Variants in GTSF1 observed in about 807,000 individuals in gnomAD.
The protein encoded by GTSF1 is gametocyte-specific factor 1.
GTSF1 carries 11 observed loss-of-function variants against 28.9 expected under a neutral mutation model. The observed-to-expected ratio is 0.38, with a 90% confidence interval of 0.24 to 0.63. The LOEUF is 0.63. Among genes scored for constraint, GTSF1 ranks in the 30% least tolerant of loss-of-function variants. The pLI, the probability that GTSF1 is intolerant of heterozygous loss-of-function variation, is 0.56. For synonymous variants in GTSF1, 69 were observed against 65.6 expected, an observed-to-expected ratio of 1.05 and a Z score of -0.25; for missense variants, 146 against 201.0, an observed-to-expected ratio of 0.73 and a Z score of 1.66.
At chr12:54,469,490 C>G (rs1956567294) in intron 2 of GTSF1, among the ~76,000 whole-genome samples, 1 of 151,576 alleles carries the variant, frequency 6.6e-6, no homozygotes, top group African/African-American at 2.4e-5. Context: ...GAGTTCGAGA[C>G]CAGCCTGGCC....
intron 7 of GTSF1, chr12:54,459,720 GCCTTT>G: frequency 2.6e-5 from 4 of 151,976 alleles, no homozygotes; most frequent in South Asian, 1.4e-4. Flanking sequence ...CTGATATTAT[GCCTTT>G]TTTTTTTTTT....
chr12:54,462,476 C>A (rs370179507), intron 5 of GTSF1, among the ~76,000 whole-genome samples, 166 bp downstream of exon 5: 1 of 152,174 alleles, frequency 6.6e-6, no homozygotes, highest in Admixed American at 6.5e-5. Flanking sequence ...GGCTGTTCCA[C>A]GTGTCTGCAC....
chr12:54,463,052 T>C (rs1956449726), intron 4 of GTSF1, 119 bp downstream of exon 4: 1 of 966,442 alleles, frequency 1.0e-6, no homozygotes, highest in Admixed American at 2.6e-5. Context: ...ATCTCAAAGG[T>C]GGAAAAGTAT....
chr12:54,456,982 G>A (rs1295456878), intron 8 of GTSF1, among the ~76,000 whole-genome samples: 1 of 152,200 alleles, frequency 6.6e-6, no homozygotes, highest in Non-Finnish European at 1.5e-5. Context: ...CTATTTGGGA[G>A]GCTGAGGTAG....
chr12:54,471,157 A>G (rs1956588777), intron 2 of GTSF1, 76 bp downstream of exon 2: 1 of 1,208,602 alleles, frequency 8.3e-7, no homozygotes, highest in Non-Finnish European at 1.1e-6. Flanking sequence ...TTCCCAGCAC[A>G]CTAAAAGTCT....
At chr12:54,464,973 A>G (rs1956486953) in intron 3 of GTSF1, 94 bp downstream of exon 3, 1 of 709,474 alleles carries the variant, frequency 1.4e-6, no homozygotes, top group Admixed American at 2.3e-5. Context: ...AATTCTGGCA[A>G]TCAATTAAAA....
intron 2 of GTSF1, 88 bp downstream of exon 2, chr12:54,471,145 T>C (rs1439189884): frequency 9.5e-7 from 1 of 1,056,230 alleles, no homozygotes; most frequent in African/African-American, 1.6e-5. Flanking sequence ...AAGTCCGACT[T>C]CTTCCCAGCA....
chr12:54,459,639 A>T (rs1333432820), intron 7 of GTSF1: 1 of 255,520 alleles, frequency 3.9e-6, no homozygotes, highest in Non-Finnish European at 7.6e-6. Flanking sequence ...CTTATGACTT[A>T]TGACTTTCAT....
At chr12:54,468,460 T>C (rs1956551698) in intron 2 of GTSF1, among the ~76,000 whole-genome samples, 2 of 152,184 alleles carry the variant, frequency 1.3e-5, no homozygotes, top group African/African-American at 2.4e-5. Flanking sequence ...CCTAAGAGTA[T>C]TGCATTGAAG....
intron 2 of GTSF1, among the ~76,000 whole-genome samples, chr12:54,469,481 A>C (rs2120797962): frequency 6.6e-6 from 1 of 151,716 alleles, no homozygotes; most frequent in East Asian, 2.0e-4. Flanking sequence ...TGAGGCCAGG[A>C]GTTCGAGACC....
chr12:54,469,834 A>G (rs1171466055), intron 2 of GTSF1, among the ~76,000 whole-genome samples: 2 of 151,874 alleles, frequency 1.3e-5, no homozygotes, highest in Non-Finnish European at 2.9e-5. Flanking sequence ...GATTACACGC[A>G]TGAGCCACCA....
In GTSF1 at chr12:54,465,251, AAG is replaced by A; in HGVS notation, c.17-86_17-85del. 6 of 850,368 alleles carry A rather than the reference AAG, an allele frequency of 7.1e-6. 1 individual carries two copies. Among genetic ancestry groups the A allele is most frequent in the Non-Finnish European group, 1.2e-5 (6 of 505,820 alleles). 52.7% of individuals were successfully genotyped at this position (850,368 alleles called of 1,614,324 possible). ...CATTCCAGGCACACTGGATTTTTTC[AAG>A]AGACTCTGTAATAATAGAACAATAT... On this transcript the variant is annotated intron_variant, in intron 2 of 8. Transcript: ENST00000305879.
intron 7 of GTSF1, 134 bp from the exon 8 acceptor site, chr12:54,459,259 T>G: frequency 5.6e-6 from 8 of 1,417,562 alleles, no homozygotes; most frequent in Non-Finnish European, 7.4e-6. Flanking sequence ...AATTTAATAT[T>G]AGTAATCAGA....
At chr12:54,460,554 G>T in intron 6 of GTSF1, 83 bp from the exon 7 acceptor site, 1 of 888,356 alleles carries the variant, frequency 1.1e-6, no homozygotes. Context: ...TGTGTTTTTT[G>T]TAATTTGGGG....
chr12:54,465,214 G>A (rs764743637), intron 2 of GTSF1, 47 bp from the exon 3 acceptor site: 1 of 1,243,790 alleles, frequency 8.0e-7, no homozygotes. Context: ...ATAGGCCCTT[G>A]TAAAACTACA....
intron 2 of GTSF1, among the ~76,000 whole-genome samples, chr12:54,469,560 C>T (rs1406991103): frequency 2.0e-5 from 3 of 151,242 alleles, no homozygotes; most frequent in Admixed American, 6.6e-5. Context: ...TTGTGGCATG[C>T]ACCTGTAGTA....
At position 54,462,091 on chromosome 12, in the gene GTSF1, T is replaced by C. The variant is rs746473123; in HGVS notation, c.392+18A>G. 6.9e-6 allele frequency: 11 copies of C among 1,599,074 alleles called. No homozygotes were observed. In the South Asian group the frequency reaches 1.2e-4, roughly 18 times the overall value. On this transcript the variant is annotated intron_variant, in intron 6 of 8. Coordinates refer to ENST00000305879, the MANE Select transcript of GTSF1 (RefSeq NM_144594.3). Reference sequence around the variant, plus strand: ...CTGATTTTGGGAGACAATGCTGGGATAAGACTATTTCATTTACCTGTTGTT... The same window carrying C: ...CTGATTTTGGGAGACAATGCTGGGACAAGACTATTTCATTTACCTGTTGTT...
chr12:54,466,100 A>G (rs1458258785), intron 2 of GTSF1, among the ~76,000 whole-genome samples: 3 of 152,184 alleles, frequency 2.0e-5, no homozygotes, highest in South Asian at 4.1e-4. Context: ...AACCTATAAA[A>G]TGCTATTTAA....
chr12:54,463,524 A>G (rs1956457392), intron 3 of GTSF1, among the ~76,000 whole-genome samples: 1 of 152,232 alleles, frequency 6.6e-6, no homozygotes, highest in Non-Finnish European at 1.5e-5. Context: ...TTATGATTGT[A>G]GAGACTGACA....
Sources: gnomAD v4.1 joint callset for allele counts (sites outside exome capture counted in the v4.1 genomes callset) on GRCh38, gnomAD v4.1.1 for gene constraint, MANE v1.5 for transcripts, NCBI Gene and HGNC (gene_info 2026-07-23, HGNC 2026-07-21) for gene names.